ARMC9: variants seen among roughly 807,000 people sequenced by gnomAD.
ARMC9 encodes lisH domain-containing protein ARMC9.
ARMC9 carries 94 observed loss-of-function variants against 107.0 expected under a neutral mutation model. The ratio of observed to expected loss-of-function variants is 0.88; its 90% CI spans 0.74 to 1.04. ARMC9 has a LOEUF of 1.04. Among genes scored for constraint, ARMC9 ranks in the 50% least tolerant of loss-of-function variants. ARMC9 has a pLI of 0.00. For synonymous variants in ARMC9, 380 were observed against 396.9 expected (o/e 0.96, Z 0.51); for missense variants, 942 against 1,030.1 (o/e 0.91, Z 1.17).
intron 9 of ARMC9, among the ~76,000 whole-genome samples, chr2:231,245,592 G>A (rs1474068226): frequency 2.0e-5 from 3 of 152,326 alleles, no homozygotes; most frequent in East Asian, 3.9e-4. Context: ...CTGCCCTCCC[G>A]TGGGAACCTG....
chr2:231,276,638 G>GT lies in ARMC9; in HGVS notation c.1337_1338insT (p.Leu448AlafsTer16), dbSNP rs763763482. 6.2e-7 allele frequency: 1 copy of GT among 1,614,032 alleles called. No homozygotes were observed. Among genetic ancestry groups the GT allele is most frequent in the South Asian group, 1.1e-5 (1 of 91,080 alleles). The stretch of plus-strand genomic sequence containing the variant: ...TACCGTAGGCTCTTTCTTCCCAGGC[G>GT]CCCGCTGCAGACAGCGATGATTCAA... On this transcript the variant is annotated frameshift_variant, in exon 15 of 25. Coordinates refer to ENST00000611582, the MANE Select transcript of ARMC9 (RefSeq NM_001352754.2). LOFTEE classifies it high-confidence loss of function.
rs200638015 is a variant in ARMC9 at position 231,231,365 on chromosome 2, C to CTA, written c.623-3849_623-3848dup. On this transcript the variant is annotated intron_variant, in intron 7 of 24. Coordinates refer to ENST00000611582, the MANE Select transcript of ARMC9 (RefSeq NM_001352754.2). ...TTTAACTTATCTAATTTTGAACTCTCTATATATATATGAAAAACTTTATTT... is the reference window on the plus strand; with the variant it reads ...TTTAACTTATCTAATTTTGAACTCTCTATATATATATATGAAAAACTTTATTT... 5.6e-3 allele frequency among the ~76,000 whole-genome samples: 850 copies of CTA among 152,150 alleles called. 7 individuals are homozygous for CTA. Among genetic ancestry groups the CTA allele is most frequent in the African/African-American group, 0.019 (795 of 41,510 alleles).
In ARMC9 at chr2:231,360,703, T is replaced by TA; in HGVS notation, c.2132-50dup. On this transcript the variant is annotated intron_variant, in intron 22 of 24. Transcript: ENST00000611582. The surrounding 1 kb of genome is among the most constrained non-coding windows in gnomAD (Gnocchi z 4.7). ...AACCCAGCCCACGAGAGGGCATCCT[T>TA]AGAGGGGCTCCAGAGCAGATGTGGA... The TA allele has an allele frequency of 6.5e-7, 1 of 1,536,030 alleles. No individual in the cohort carries two copies. The highest frequency in any genetic ancestry group is 1.2e-5 in the South Asian group (1 of 84,064).
At chr2:231,354,662 A>G (rs1229422885) in intron 21 of ARMC9, among the ~76,000 whole-genome samples, 4 of 152,134 alleles carry the variant, frequency 2.6e-5, no homozygotes, top group East Asian at 1.9e-4. Flanking sequence ...GATTACAGGC[A>G]TGAGCCACCA....
chr2:231,284,775 G>T (rs1474385781), intron 17 of ARMC9, among the ~76,000 whole-genome samples: 1 of 152,178 alleles, frequency 6.6e-6, no homozygotes, highest in Admixed American at 6.5e-5. Context: ...GAATCACTGG[G>T]GCCACCTTGG....
chr2:231,374,140 T>A lies in ARMC9; in HGVS notation c.*2605T>A, dbSNP rs1402230878. 1 of 152,098 alleles carries A rather than the reference T, an allele frequency of 6.6e-6. No individual in the cohort carries two copies. Among genetic ancestry groups the A allele is most frequent in the East Asian group, 1.9e-4 (1 of 5,190 alleles). 9.4% of individuals were successfully genotyped at this position (152,098 alleles called of 1,614,324 possible). A position where few individuals can be genotyped will look rare whatever the true frequency, so the allele number is the denominator to read the frequency against. On this transcript the variant is annotated 3_prime_UTR_variant, in exon 25 of 25. Transcript: ENST00000611582. ...TTGCTGAGGATGGGTATGACCCCAG[T>A]CTAAGGGGAAAGAATCTAAAACACA... is the stretch of plus-strand genomic sequence containing the variant.
intron 17 of ARMC9, among the ~76,000 whole-genome samples, chr2:231,287,060 G>A (rs574544786): frequency 3.9e-5 from 6 of 152,294 alleles, no homozygotes; most frequent in South Asian, 4.1e-4. Flanking sequence ...GGCTGGAGCC[G>A]ATCAGAGGCT....
At chr2:231,350,932 AC>A (rs1297837968) in intron 21 of ARMC9, among the ~76,000 whole-genome samples, 2 of 139,488 alleles carry the variant, frequency 1.4e-5, no homozygotes, top group African/African-American at 5.6e-5. Context: ...TCCTATTTGC[AC>A]AAAGTGACAA....
intron 19 of ARMC9, 68 bp downstream of exon 19, chr2:231,296,321 C>T: frequency 7.7e-7 from 1 of 1,304,830 alleles, no homozygotes; most frequent in Non-Finnish European, 1.1e-6. Context: ...CCTGCCTTGA[C>T]AAGTTAGTCC....
At chr2:231,259,873 G>C (rs773337320) in intron 11 of ARMC9, among the ~76,000 whole-genome samples, 10 of 152,146 alleles carry the variant, frequency 6.6e-5, no homozygotes, top group Non-Finnish European at 1.5e-4. Flanking sequence ...GCAGGCGCCT[G>C]TAGTCCCAGC....
intron 19 of ARMC9, among the ~76,000 whole-genome samples, chr2:231,307,224 A>G (rs1022948400): frequency 5.3e-5 from 8 of 152,214 alleles, no homozygotes; most frequent in African/African-American, 1.9e-4. Context: ...CAAGAGGCTG[A>G]GAGAGGGGTA....
At chr2:231,347,522 G>A (rs979759591) in intron 21 of ARMC9, among the ~76,000 whole-genome samples, 4 of 152,126 alleles carry the variant, frequency 2.6e-5, no homozygotes, top group African/African-American at 7.2e-5. Context: ...TTTGCATCTC[G>A]AGCTCACCTC....
At chr2:231,215,937 C>T (rs142513693) in intron 4 of ARMC9, among the ~76,000 whole-genome samples, 201 of 152,290 alleles carry the variant, frequency 1.3e-3, no homozygotes, top group African/African-American at 4.4e-3. Context: ...TATAGGTCAA[C>T]TGAGATGTGT....
At chr2:231,321,717 GT>G (rs1414132256) in intron 19 of ARMC9, among the ~76,000 whole-genome samples, 3 of 152,050 alleles carry the variant, frequency 2.0e-5, no homozygotes, top group Non-Finnish European at 4.4e-5. Context: ...TTAGGATCCT[GT>G]TTGGAAGGGG....
chr2:231,357,166 A>G (rs2045375840), intron 22 of ARMC9, among the ~76,000 whole-genome samples: 3 of 152,172 alleles, frequency 2.0e-5, no homozygotes, highest in Admixed American at 2.0e-4. Context: ...TAGCCCTGAC[A>G]AAGTCTGGGC....
At chr2:231,353,910 G>A (rs1288785863) in intron 21 of ARMC9, among the ~76,000 whole-genome samples, 1 of 151,304 alleles carries the variant, frequency 6.6e-6, no homozygotes, top group African/African-American at 2.4e-5. Context: ...TTCAGGAGAG[G>A]GAGGTAGGGG....
intron 19 of ARMC9, among the ~76,000 whole-genome samples, chr2:231,296,674 C>G (rs1009247524): frequency 6.6e-6 from 1 of 152,094 alleles, no homozygotes; most frequent in African/African-American, 2.4e-5. Flanking sequence ...TCAGAGCTAA[C>G]GGAACTGACC....
At position 231,362,089 on chromosome 2, in the gene ARMC9, G is replaced by C. The variant is rs149232437; in HGVS notation, c.2261+1206G>C. ...CGGGGTCAAAGGTGGCTGCATTACT[G>C]GGGGAGGGGCCAAGCCTCTGGACTC... On this transcript the variant is annotated intron_variant, in intron 23 of 24. Transcript: ENST00000611582. The surrounding 1 kb of genome is among the most constrained non-coding windows in gnomAD (Gnocchi z 4.7). Among the ~76,000 whole-genome samples the C allele has an allele frequency of 5.8e-3, 881 of 152,184 alleles. 10 individuals carry two copies. The highest frequency in any genetic ancestry group is 0.02 in the African/African-American group (833 of 41,500).
At chr2:231,306,754 A>T (rs534843884) in intron 19 of ARMC9, among the ~76,000 whole-genome samples, 6 of 141,738 alleles carry the variant, frequency 4.2e-5, no homozygotes, top group Admixed American at 3.5e-4. Context: ...GGCAAGGAGG[A>T]AAAAAAAAAA....
Sources: gnomAD v4.1 joint callset for allele counts (sites outside exome capture counted in the v4.1 genomes callset) on GRCh38, gnomAD v4.1.1 for gene constraint, Gnocchi (gnomAD v3.1) non-coding constraint, MANE v1.5 for transcripts, NCBI Gene and HGNC (gene_info 2026-07-23, HGNC 2026-07-21) for gene names.